ACACA: variants seen among roughly 807,000 people sequenced by gnomAD.
The protein encoded by ACACA is acetyl-CoA carboxylase alpha, also known as acetyl-CoA carboxylase 1.
A neutral mutation model predicts 296.1 loss-of-function variants in ACACA; 103 were observed. The observed-to-expected ratio is 0.35, with a 90% confidence interval of 0.30 to 0.41. ACACA has a LOEUF of 0.41. Ranked by LOEUF, ACACA falls within the 10% of genes least tolerant of loss-of-function variation. The pLI, the probability that ACACA is intolerant of heterozygous loss-of-function variation, is 1.00. For missense variants in ACACA, 1,554 were observed against 2,989.7 expected (o/e 0.52, Z 11.20); for synonymous variants, 953 against 1,038.6 (o/e 0.92, Z 1.58).
At chr17:37,126,109 C>G (rs573526671) in intron 47 of ACACA, among the ~76,000 whole-genome samples, 1 of 152,324 alleles carries the variant, frequency 6.6e-6, no homozygotes, top group Non-Finnish European at 1.5e-5. Flanking sequence ...CTTCAAGACA[C>G]TACAAACATT....
intron 39 of ACACA, among the ~76,000 whole-genome samples, chr17:37,183,597 A>T (rs1020300909): frequency 6.6e-6 from 1 of 151,884 alleles, no homozygotes; most frequent in Non-Finnish European, 1.5e-5. Context: ...GGGAGGCCAA[A>T]GCAGGCAGAT....
chr17:37,129,219 G>T, intron 47 of ACACA, 146 bp downstream of exon 47: 1 of 1,080,886 alleles, frequency 9.3e-7, no homozygotes, highest in Non-Finnish European at 1.4e-6. Flanking sequence ...TTTCTTCAGA[G>T]GGCTGGTTTT....
chr17:37,338,547 A>G (rs1251326351), intron 2 of ACACA, among the ~76,000 whole-genome samples: 1 of 151,624 alleles, frequency 6.6e-6, no homozygotes, highest in Non-Finnish European at 1.5e-5. Context: ...CCAGCTACTC[A>G]GGAGGCTGAG....
intron 3 of ACACA, among the ~76,000 whole-genome samples, chr17:37,306,355 T>C (rs1363301761): frequency 6.6e-6 from 1 of 152,192 alleles, no homozygotes; most frequent in Non-Finnish European, 1.5e-5. Flanking sequence ...CATTCAGCTA[T>C]ACCTGGAAGT....
At chr17:37,352,127 C>A (rs2048934356) in intron 1 of ACACA, among the ~76,000 whole-genome samples, 1 of 150,960 alleles carries the variant, frequency 6.6e-6, no homozygotes, top group African/African-American at 2.4e-5. Flanking sequence ...ACCATGTTAC[C>A]CAGGATGGTC....
chr17:37,369,566 GC>G (rs1187106702), intron 1 of ACACA: 2 of 152,006 alleles, frequency 1.3e-5, no homozygotes. Context: ...TAGTCAGGAA[GC>G]TGAGATGGTA....
intron 1 of ACACA, among the ~76,000 whole-genome samples, chr17:37,371,673 G>C (rs2049811706): frequency 6.6e-6 from 1 of 152,038 alleles, no homozygotes; most frequent in South Asian, 2.1e-4. Context: ...GCTGAGGCGG[G>C]TGGACCACTT....
chr17:37,253,828 T>A (rs902885437), intron 14 of ACACA, among the ~76,000 whole-genome samples: 6 of 152,204 alleles, frequency 3.9e-5, no homozygotes, highest in Non-Finnish European at 8.8e-5. Context: ...CCCAAGTGCT[T>A]AATTTAAAGA....
chr17:37,191,810 C>T (rs2077764987), intron 37 of ACACA, among the ~76,000 whole-genome samples: 1 of 151,300 alleles, frequency 6.6e-6, no homozygotes, highest in African/African-American at 2.4e-5. Context: ...TATTATGCTT[C>T]TGCTACCAAG....
At position 37,263,900 on chromosome 17, in the gene ACACA, T is replaced by G. The variant is rs1397804370; in HGVS notation, c.1120-6A>C. On this transcript the variant is annotated splice_polypyrimidine_tract_variant and splice_region_variant and intron_variant, in intron 10 of 55. Coordinates refer to ENST00000616317, the MANE Select transcript of ACACA (RefSeq NM_198834.3). ...CCAGGAACTTCAGCTTGAACCTGTA[T>G]TAGAAAAGGGGGAAAAAAAAAACCA... 1 of 1,611,764 alleles carries G rather than the reference T, an allele frequency of 6.2e-7. No individual in the cohort carries two copies. The highest frequency in any genetic ancestry group is 1.3e-5 in the African/African-American group (1 of 74,466).
chr17:37,150,533 C>G (rs928985197), intron 44 of ACACA, among the ~76,000 whole-genome samples: 1 of 139,496 alleles, frequency 7.2e-6, no homozygotes, highest in Non-Finnish European at 1.5e-5. Context: ...CAGAGTGAGA[C>G]TCTGTCTCAA....
At chr17:37,224,021 G>A (rs1361254794) in intron 27 of ACACA, among the ~76,000 whole-genome samples, 1 of 152,188 alleles carries the variant, frequency 6.6e-6, no homozygotes, top group Non-Finnish European at 1.5e-5. Flanking sequence ...GGCCAACATG[G>A]CGAAACCCTG....
At chr17:37,235,514 A>G (rs776231509) in intron 24 of ACACA, among the ~76,000 whole-genome samples, 4 of 152,202 alleles carry the variant, frequency 2.6e-5, no homozygotes, top group Non-Finnish European at 4.4e-5. Flanking sequence ...GTTTAAAAAG[A>G]AATGTAAATA....
intron 44 of ACACA, among the ~76,000 whole-genome samples, chr17:37,150,566 A>G (rs1476689596): frequency 2.0e-5 from 3 of 151,610 alleles, no homozygotes; most frequent in African/African-American, 7.3e-5. Context: ...CTACTTGGGC[A>G]ACATAGTGAG....
chr17:37,263,549 C>T, intron 11 of ACACA, 136 bp downstream of exon 11: 1 of 787,194 alleles, frequency 1.3e-6, no homozygotes, highest in Non-Finnish European at 2.1e-6. Flanking sequence ...AATTTTTTTT[C>T]TCTAAGAAAA....
chr17:37,320,757 A>C (rs140015515), intron 3 of ACACA, among the ~76,000 whole-genome samples: 14 of 151,398 alleles, frequency 9.2e-5, no homozygotes, highest in South Asian at 4.2e-4. Context: ...GACCAGCCTG[A>C]GCAATATGGT....
chr17:37,346,144 A>G (rs909020837), intron 1 of ACACA, among the ~76,000 whole-genome samples: 1 of 152,238 alleles, frequency 6.6e-6, no homozygotes, highest in Non-Finnish European at 1.5e-5. Context: ...TGTTAATTTC[A>G]TAGTTTTGAC....
chr17:37,394,463 G>A (rs561812052), intron 1 of ACACA, among the ~76,000 whole-genome samples: 2 of 151,696 alleles, frequency 1.3e-5, no homozygotes, highest in South Asian at 2.1e-4. Flanking sequence ...CACCCGCGTC[G>A]GCCTCACAAA....
chr17:37,258,730 A>G (rs1253785615), intron 12 of ACACA, among the ~76,000 whole-genome samples: 1 of 152,200 alleles, frequency 6.6e-6, no homozygotes, highest in Non-Finnish European at 1.5e-5. Context: ...ATTGTGTCAT[A>G]ATTATCTCTT....
Sources: allele counts gnomAD v4.1 joint callset (sites outside exome capture counted in the v4.1 genomes callset), GRCh38; gene constraint gnomAD v4.1.1; transcripts MANE v1.5; gene names NCBI Gene and HGNC (gene_info 2026-07-23, HGNC 2026-07-21).